Variants in KLHL1 observed in about 807,000 individuals in gnomAD.
KLHL1 encodes kelch-like protein 1.
Under a neutral mutation model 77.7 loss-of-function variants are expected in KLHL1, and 47 were observed. The observed-to-expected ratio is 0.60, with a 90% CI of 0.48 to 0.77. KLHL1 has a LOEUF of 0.77. KLHL1 is among the 30% of genes least tolerant of loss of function. The probability of loss-of-function intolerance (pLI) is 0.00; values close to 1 mark genes in which losing one functional copy is unlikely to be tolerated. For missense variants in KLHL1, 925 were observed against 910.8 expected (o/e 1.02, Z -0.20); for synonymous variants, 360 against 325.2 (o/e 1.11, Z -1.15).
chr13:70,092,464 A>C (rs551341091), intron 1 of KLHL1, among the ~76,000 whole-genome samples: 2 of 152,174 alleles, frequency 1.3e-5, no homozygotes, highest in Non-Finnish European at 2.9e-5. Flanking sequence ...TTGCTTAGGT[A>C]TAGCAATAAA....
chr13:69,707,913 A>C, intron 9 of KLHL1, 117 bp from the exon 10 acceptor site: 1 of 731,494 alleles, frequency 1.4e-6, no homozygotes, highest in Non-Finnish European at 2.1e-6. Context: ...TTTTTTCTCT[A>C]AAGGCTCAAT....
chr13:70,102,187 T>C (rs1302031709), intron 1 of KLHL1, among the ~76,000 whole-genome samples: 1 of 152,122 alleles, frequency 6.6e-6, no homozygotes, highest in Non-Finnish European at 1.5e-5. Context: ...GTCCCACTAA[T>C]CTCCATGAGA....
At chr13:69,822,765 C>T (rs1050857140) in intron 6 of KLHL1, among the ~76,000 whole-genome samples, 9 of 151,910 alleles carry the variant, frequency 5.9e-5, no homozygotes, top group Non-Finnish European at 8.8e-5. Flanking sequence ...ATAAAATATA[C>T]TCAATTATAT....
At chr13:69,935,283 A>AGTTCACCTACTGGTGAAC (rs1431328675) in intron 4 of KLHL1, among the ~76,000 whole-genome samples, 9 of 151,890 alleles carry the variant, frequency 5.9e-5, no homozygotes, top group African/African-American at 1.2e-4. Flanking sequence ...CTTGGTACAT[A>AGTTCACCTACTGGTGAAC]GCAGTCAATA....
At chr13:70,010,255 T>G (rs963866609) in intron 1 of KLHL1, among the ~76,000 whole-genome samples, 12 of 152,144 alleles carry the variant, frequency 7.9e-5, no homozygotes, top group African/African-American at 2.7e-4. Context: ...ACTAGTGTTA[T>G]GTATAGAATA....
chr13:69,837,670 G>GTGTATA lies in KLHL1; in HGVS notation c.1414+1305_1414+1306insTATACA, dbSNP rs543681165. 1.2e-3 allele frequency among the ~76,000 whole-genome samples: 145 copies of GTGTATA among 123,938 alleles called. 8 individuals carry two copies. Among genetic ancestry groups the GTGTATA allele is most frequent in the African/African-American group, 4.8e-3 (132 of 27,492 alleles). The allele number at this position is 123,938 out of a possible 152,430, so 81.3% of individuals were successfully genotyped here. ...TGTATATATATATGTGTGTGTGTGT[G>GTGTATA]TATATATATATATATATACACATAT... On this transcript the variant is annotated intron_variant, in intron 6 of 10. Coordinates refer to ENST00000377844, the MANE Select transcript of KLHL1 (RefSeq NM_020866.3).
intron 4 of KLHL1, among the ~76,000 whole-genome samples, chr13:69,904,059 AT>A (rs746022200): frequency 9.9e-5 from 15 of 152,016 alleles, no homozygotes; most frequent in Non-Finnish European, 1.9e-4. Flanking sequence ...ATATATTATT[AT>A]ATTAATATGC....
intron 5 of KLHL1, among the ~76,000 whole-genome samples, chr13:69,845,574 A>G (rs972347879): frequency 6.6e-6 from 1 of 151,648 alleles, no homozygotes; most frequent in Non-Finnish European, 1.5e-5. Flanking sequence ...AATTGCAAGT[A>G]TCTATTATTT....
chr13:69,790,006 C>T (rs771186829), intron 7 of KLHL1, among the ~76,000 whole-genome samples: 7 of 152,016 alleles, frequency 4.6e-5, no homozygotes, highest in African/African-American at 9.7e-5. Flanking sequence ...AGGCGTTCAC[C>T]GAGATGTAAT....
intron 1 of KLHL1, among the ~76,000 whole-genome samples, chr13:70,055,738 G>T (rs932658829): frequency 6.6e-6 from 1 of 152,018 alleles, no homozygotes; most frequent in Non-Finnish European, 1.5e-5. Flanking sequence ...CGCAATGAGA[G>T]TTGTCATCAG....
At chr13:69,835,383 G>T (rs1025380331) in intron 6 of KLHL1, among the ~76,000 whole-genome samples, 1 of 152,116 alleles carries the variant, frequency 6.6e-6, no homozygotes, top group African/African-American at 2.4e-5. Flanking sequence ...GGAACAGTGA[G>T]GTGAAACCAG....
At chr13:69,915,530 G>A (rs530269494) in intron 4 of KLHL1, among the ~76,000 whole-genome samples, 163 of 152,214 alleles carry the variant, frequency 1.1e-3, no homozygotes, top group Middle Eastern at 6.8e-3. Flanking sequence ...TGGGAAAACC[G>A]GCTAGCCATA....
chr13:69,760,615 A>G (rs1335381338), intron 7 of KLHL1, among the ~76,000 whole-genome samples: 1 of 152,064 alleles, frequency 6.6e-6, no homozygotes, highest in East Asian at 1.9e-4. Flanking sequence ...TCAGACTCCC[A>G]AACTGCTGGG....
chr13:69,818,065 T>C (rs1278485874), intron 6 of KLHL1, among the ~76,000 whole-genome samples: 1 of 152,108 alleles, frequency 6.6e-6, no homozygotes, highest in East Asian at 1.9e-4. Flanking sequence ...CTCTTTCTAG[T>C]GAAGATAAGG....
chr13:69,895,686 G>T (rs1200095060), intron 4 of KLHL1, among the ~76,000 whole-genome samples: 3 of 149,768 alleles, frequency 2.0e-5, no homozygotes, highest in Non-Finnish European at 4.4e-5. Flanking sequence ...TGGAATATTT[G>T]GGAATAATCT....
At chr13:69,729,478 A>G (rs1226753539) in intron 8 of KLHL1, among the ~76,000 whole-genome samples, 1 of 152,186 alleles carries the variant, frequency 6.6e-6, no homozygotes, top group East Asian at 1.9e-4. Context: ...CAGCCAGGTT[A>G]GAATGACACA....
chr13:69,729,125 A>G (rs1873430262), intron 8 of KLHL1, among the ~76,000 whole-genome samples: 2 of 152,150 alleles, frequency 1.3e-5, no homozygotes. Context: ...TTGTTTGGGG[A>G]ATCTGAGGTT....
chr13:69,722,823 T>C (rs925403458), intron 8 of KLHL1, among the ~76,000 whole-genome samples: 18 of 152,002 alleles, frequency 1.2e-4, no homozygotes, highest in African/African-American at 3.9e-4. Context: ...ACTTGGTGTA[T>C]ATTCAAAGGA....
intron 8 of KLHL1, among the ~76,000 whole-genome samples, chr13:69,733,937 A>C (rs1873660272): frequency 1.3e-5 from 2 of 152,172 alleles, no homozygotes; most frequent in Admixed American, 1.3e-4. Context: ...AAGAGGAAAC[A>C]ACTGAAATAT....
Sources: allele counts gnomAD v4.1 joint callset (sites outside exome capture counted in the v4.1 genomes callset), GRCh38; gene constraint gnomAD v4.1.1; transcripts MANE v1.5; gene names NCBI Gene and HGNC (gene_info 2026-07-23, HGNC 2026-07-21).